COL12A1: variants seen among roughly 807,000 people sequenced by gnomAD.
COL12A1 encodes the protein collagen alpha-1(XII) chain.
Under a neutral mutation model 349.7 loss-of-function variants are expected in COL12A1, and 114 were observed. The ratio of observed to expected loss-of-function variants is 0.33; its 90% CI spans 0.28 to 0.38. The LOEUF is 0.38. Ranked by LOEUF, COL12A1 falls within the 10% of genes least tolerant of loss-of-function variation. The pLI is 1.00. For missense variants in COL12A1, 3,284 were observed against 3,756.9 expected, an observed-to-expected ratio of 0.87 and a Z score of 3.29; for synonymous variants, 1,369 against 1,329.0, an observed-to-expected ratio of 1.03 and a Z score of -0.66.
At chr6:75,169,655 G>T (rs936450529) in intron 13 of COL12A1, among the ~76,000 whole-genome samples, 2 of 152,038 alleles carry the variant, frequency 1.3e-5, no homozygotes, top group Admixed American at 6.6e-5. Flanking sequence ...TTCTGTTCTG[G>T]ATATATGCCT....
chr6:75,121,062 C>T (rs1212382698), intron 44 of COL12A1, among the ~76,000 whole-genome samples: 1 of 152,004 alleles, frequency 6.6e-6, no homozygotes, highest in African/African-American at 2.4e-5. Context: ...CCTTAGAATC[C>T]CCTAAGTTCT....
At chr6:75,124,545 A>G (rs774853024) in intron 40 of COL12A1, among the ~76,000 whole-genome samples, 174 bp from the exon 41 acceptor site, 4 of 152,172 alleles carry the variant, frequency 2.6e-5, no homozygotes, top group Admixed American at 1.3e-4. Flanking sequence ...TACTGCCAAA[A>G]TAGACCCCCC....
chr6:75,154,183 A>G (rs1290393204), intron 17 of COL12A1, among the ~76,000 whole-genome samples: 1 of 151,866 alleles, frequency 6.6e-6, no homozygotes, highest in Admixed American at 6.6e-5. Flanking sequence ...GATTTATGTA[A>G]TAATTTAAGT....
At chr6:75,099,224 A>T (rs899140055) in intron 58 of COL12A1, among the ~76,000 whole-genome samples, 1 of 152,224 alleles carries the variant, frequency 6.6e-6, no homozygotes, top group Non-Finnish European at 1.5e-5. Flanking sequence ...CCCAAAAAAA[A>T]ACTTTTTCCA....
chr6:75,164,431 C>A (rs1291210521), intron 14 of COL12A1, among the ~76,000 whole-genome samples: 1 of 152,138 alleles, frequency 6.6e-6, no homozygotes, highest in Non-Finnish European at 1.5e-5. Flanking sequence ...GAAGGAAATG[C>A]ATGAATGCCC....
Position 75,143,355 on chromosome 6 carries a change from C to CT in COL12A1, c.4723dup (p.Arg1575LysfsTer21). The CT allele has an allele frequency of 6.2e-7, 1 of 1,613,808 alleles. No homozygotes were observed. The highest frequency in any genetic ancestry group is 8.5e-7 in the Non-Finnish European group (1 of 1,179,942). ...ATTCATAGTGCTGTGAGTCACATCT[C>CT]TGAGTTTCAGATCCTGAGGTCTGGG... is the stretch of plus-strand genomic sequence containing the variant. On this transcript the variant is annotated frameshift_variant, in exon 26 of 66. Transcript: ENST00000322507. LOFTEE classifies it high-confidence loss of function.
chr6:75,137,180 G>A (rs1024377648), intron 31 of COL12A1, among the ~76,000 whole-genome samples: 2 of 152,124 alleles, frequency 1.3e-5, no homozygotes, highest in Admixed American at 6.6e-5. Context: ...AGGAACTATG[G>A]ATGCATTGAA....
In COL12A1 at chr6:75,184,160, C is replaced by T; in HGVS notation, c.998-16G>A. ...GGCTCAACAACTAAAAAGTTACAAG[C>T]AGACAGTGATTAATAACAGTGAGAT... On this transcript the variant is annotated splice_polypyrimidine_tract_variant and intron_variant, in intron 8 of 65. Transcript: ENST00000322507. 1 of 1,609,356 alleles carries T rather than the reference C, an allele frequency of 6.2e-7. No individual in the cohort carries two copies. The highest frequency in any genetic ancestry group is 8.5e-7 in the Non-Finnish European group (1 of 1,177,830).
At chr6:75,086,775 A>G (rs1000930573) in intron 65 of COL12A1, among the ~76,000 whole-genome samples, 26 of 151,732 alleles carry the variant, frequency 1.7e-4, no homozygotes, top group African/African-American at 5.6e-4. Flanking sequence ...GGAAATATAC[A>G]TTAAGATTTG....
At chr6:75,183,802 G>C in intron 9 of COL12A1, 52 bp downstream of exon 9, 1 of 1,593,262 alleles carries the variant, frequency 6.3e-7, no homozygotes, top group South Asian at 1.1e-5. Context: ...AAGGCATTCT[G>C]TCAAACAGAT....
chr6:75,153,819 G>A (rs1006659668), intron 17 of COL12A1, among the ~76,000 whole-genome samples: 14 of 151,964 alleles, frequency 9.2e-5, no homozygotes, highest in Non-Finnish European at 1.6e-4. Flanking sequence ...GAAAATCTAA[G>A]GGGCTTATGT....
intron 1 of COL12A1, among the ~76,000 whole-genome samples, chr6:75,204,782 T>TCACA (rs143188469): frequency 2.0e-5 from 3 of 149,840 alleles, no homozygotes; most frequent in Admixed American, 1.3e-4. Context: ...AAAAAGAAAA[T>TCACA]CACACACACA....
intron 58 of COL12A1, among the ~76,000 whole-genome samples, chr6:75,099,905 C>T (rs1768225050): frequency 6.6e-6 from 1 of 152,198 alleles, no homozygotes; most frequent in Non-Finnish European, 1.5e-5. Flanking sequence ...CTTGTGCTTC[C>T]TTCTCTTCAC....
intron 39 of COL12A1, among the ~76,000 whole-genome samples, chr6:75,125,725 T>C (rs75688139): frequency 0.046 from 6,983 of 152,182 alleles, 264 homozygotes; most frequent in African/African-American, 0.1. Flanking sequence ...TAAGTTCTCT[T>C]TCTATTTCTT....
Position 75,084,931 on chromosome 6 carries a change from G to C in COL12A1, c.*1616C>G, listed in dbSNP as rs1767407603. 1 of 251,726 alleles carries C rather than the reference G, an allele frequency of 4.0e-6. No homozygotes were observed. The allele number at this position is 251,726 out of a possible 1,614,324, so 15.6% of individuals were successfully genotyped here. Reference sequence around the variant, plus strand: ...CCCGCTGTGCTAACTAAAGGCACACGGCATGTTCTCTCTTTGCAGCTTTTG... The same window carrying C: ...CCCGCTGTGCTAACTAAAGGCACACCGCATGTTCTCTCTTTGCAGCTTTTG... On this transcript the variant is annotated 3_prime_UTR_variant, in exon 66 of 66. Coordinates refer to ENST00000322507, the MANE Select transcript of COL12A1 (RefSeq NM_004370.6).
chr6:75,117,691 T>A, intron 46 of COL12A1, 145 bp from the exon 47 acceptor site: 1 of 679,832 alleles, frequency 1.5e-6, no homozygotes, highest in Non-Finnish European at 2.3e-6. Context: ...GAACTCTCTT[T>A]AATAAATACA....
chr6:75,165,361 G>T, intron 14 of COL12A1, 146 bp downstream of exon 14: 1 of 1,130,770 alleles, frequency 8.8e-7, no homozygotes, highest in Non-Finnish European at 1.2e-6. Context: ...CTGAATTTAA[G>T]CCAAATTCTT....
At position 75,143,320 on chromosome 6, in the gene COL12A1, C is replaced by G. The variant is rs775117257; in HGVS notation, c.4759G>C (p.Glu1587Gln). The change falls in exon 26 of 66, where the codon GAA (glutamate) becomes CAA (glutamine). Residue 1587 changes from glutamate to glutamine, a missense_variant. Glu to Gln is a conservative substitution (Grantham distance 29, BLOSUM62 2). Coordinates refer to ENST00000322507, the MANE Select transcript of COL12A1 (RefSeq NM_004370.6). ...TTACGCACTTTTCCAGGCACAGGTT[C>G]CCAAAAGACATTCATAGTGCTGTGA... ...VTHSTMNVFW[E>Q]PVPGKVRKYI... 2.5e-6 allele frequency: 4 copies of G among 1,613,912 alleles called. No individual in the cohort carries two copies. Among genetic ancestry groups the G allele is most frequent in the Non-Finnish European group, 3.4e-6 (4 of 1,179,926 alleles).
At chr6:75,111,740 T>C (rs1052130660) in intron 51 of COL12A1, among the ~76,000 whole-genome samples, 4 of 151,882 alleles carry the variant, frequency 2.6e-5, no homozygotes, top group African/African-American at 4.8e-5. Flanking sequence ...ATGAGGCATT[T>C]ATTTTACTGC....
Sources: gnomAD v4.1 joint callset for allele counts (sites outside exome capture counted in the v4.1 genomes callset) on GRCh38, gnomAD v4.1.1 for gene constraint, MANE v1.5 for transcripts, NCBI Gene and HGNC (gene_info 2026-07-23, HGNC 2026-07-21) for gene names.